The following SULT1B1 variants were observed in gnomAD, a reference collection of about 807,000 sequenced individuals.
SULT1B1 encodes sulfotransferase family 1B member 1.
A neutral mutation model predicts 34.6 loss-of-function variants in SULT1B1; 28 were observed. The observed-to-expected ratio is 0.81, with a 90% CI of 0.60 to 1.11. The LOEUF is 1.11. Ranked by LOEUF, SULT1B1 falls within the 50% of genes least tolerant of loss-of-function variation. The pLI, the probability that SULT1B1 is intolerant of heterozygous loss-of-function variation, is 0.00. For synonymous variants in SULT1B1, 147 were observed against 110.2 expected (o/e 1.33, Z -2.09); for missense variants, 374 against 352.2 (o/e 1.06, Z -0.50).
rs754570025 is a variant in SULT1B1 at position 69,733,377 on chromosome 4, G to T, written c.597+36C>A. 45 of 1,457,168 alleles carry T rather than the reference G, an allele frequency of 3.1e-5. 1 individual carries two copies. In the South Asian group the frequency reaches 5.3e-4, roughly 17 times the overall value. 90.3% of individuals were successfully genotyped at this position (1,457,168 alleles called of 1,614,324 possible). A position where few individuals can be genotyped will look rare whatever the true frequency, so the allele number is the denominator to read the frequency against. ...CAACCCTTTTACAGCATGATGCAGT[G>T]GGGAAATTATCCAGAATCCATATCT... On this transcript the variant is annotated intron_variant, in intron 6 of 7. Coordinates refer to ENST00000310613, the MANE Select transcript of SULT1B1 (RefSeq NM_014465.4).
chr4:69,747,353 A>G (rs757931894), intron 4 of SULT1B1, among the ~76,000 whole-genome samples: 2 of 152,136 alleles, frequency 1.3e-5, no homozygotes, highest in Admixed American at 1.3e-4. Flanking sequence ...TGGGCAAAAA[A>G]CTGGAAGTTA....
In SULT1B1 at chr4:69,727,220, C is replaced by A. The variant is rs1717874444; in HGVS notation, c.779-20G>T. 1 of 1,576,948 alleles carries A rather than the reference C, an allele frequency of 6.3e-7. No individual in the cohort carries two copies. The highest frequency in any genetic ancestry group is 2.3e-5 in the East Asian group (1 of 44,428). ...CCGTCCCTAAAGGTAAATAAAAAAA[C>A]ATAGGAAAGAATAAAATATTTCCAT... On this transcript the variant is annotated intron_variant, in intron 7 of 7. Coordinates refer to ENST00000310613, the MANE Select transcript of SULT1B1 (RefSeq NM_014465.4).
At chr4:69,732,587 A>T (rs1375688765) in intron 6 of SULT1B1, among the ~76,000 whole-genome samples, 2 of 151,790 alleles carry the variant, frequency 1.3e-5, no homozygotes, top group East Asian at 1.9e-4. Context: ...TCTAACTTGT[A>T]TGTTCAGGCT....
chr4:69,745,525 TTTGTTG>T (rs959144444), intron 4 of SULT1B1, among the ~76,000 whole-genome samples: 81 of 152,294 alleles, frequency 5.3e-4, no homozygotes, highest in Middle Eastern at 6.8e-3. Context: ...CAACTCCTGC[TTTGTTG>T]TTGTTGTTGT....
At chr4:69,748,548 A>C (rs1718843356) in intron 4 of SULT1B1, among the ~76,000 whole-genome samples, 1 of 152,236 alleles carries the variant, frequency 6.6e-6, no homozygotes. Flanking sequence ...TAGGGAATAC[A>C]TCCACCTACA....
chr4:69,725,371 A>G lies in SULT1B1; in HGVS notation c.*1717T>C, dbSNP rs1179978372. 6.6e-6 allele frequency: 1 copy of G among 152,184 alleles called. No individual in the cohort carries two copies. Among genetic ancestry groups the G allele is most frequent in the African/African-American group, 2.4e-5 (1 of 41,450 alleles). The allele number at this position is 152,184 out of a possible 1,614,324, so 9.4% of individuals were successfully genotyped here. A position where few individuals can be genotyped will look rare whatever the true frequency, so the allele number is the denominator to read the frequency against. On this transcript the variant is annotated 3_prime_UTR_variant, in exon 8 of 8. Coordinates refer to ENST00000310613, the MANE Select transcript of SULT1B1 (RefSeq NM_014465.4). Reference sequence around the variant, plus strand: ...GCAATCATTAAAAAGTCAGGAAACAACAGGTGCTGGAAAGGATGTGGAGAA... The same window carrying G: ...GCAATCATTAAAAAGTCAGGAAACAGCAGGTGCTGGAAAGGATGTGGAGAA...
intron 4 of SULT1B1, among the ~76,000 whole-genome samples, chr4:69,748,485 A>G (rs1718840815): frequency 6.6e-6 from 1 of 152,232 alleles, no homozygotes; most frequent in Non-Finnish European, 1.5e-5. Flanking sequence ...AAAACAAGAA[A>G]GGATATAAAA....
intron 4 of SULT1B1, among the ~76,000 whole-genome samples, chr4:69,739,757 T>G (rs1254884722): frequency 2.0e-5 from 3 of 152,232 alleles, no homozygotes; most frequent in Non-Finnish European, 1.5e-5. Context: ...TACTGCATCA[T>G]CAGGCTGCAA....
In SULT1B1 at chr4:69,725,273, C is replaced by G. The variant is rs939533812; in HGVS notation, c.*1815G>C. On this transcript the variant is annotated 3_prime_UTR_variant, in exon 8 of 8. Transcript: ENST00000310613. ...CAGCCAACAGACACATGAAAAAATG[C>G]TCATCATCACTGGCCATCAGGGAAA... 3.3e-5 allele frequency: 5 copies of G among 152,062 alleles called. No homozygotes were observed. Among genetic ancestry groups the G allele is most frequent in the African/African-American group, 9.7e-5 (4 of 41,386 alleles). 9.4% of individuals were successfully genotyped at this position (152,062 alleles called of 1,614,324 possible). A position where few individuals can be genotyped will look rare whatever the true frequency, so the allele number is the denominator to read the frequency against.
rs752853069 is a variant in SULT1B1 at position 69,754,697 on chromosome 4, T to A, written c.250A>T (p.Met84Leu). 5.6e-5 allele frequency: 90 copies of A among 1,613,210 alleles called. No individual in the cohort carries two copies. The African/African-American group carries it at 1.1e-3, about 20-fold the overall frequency. The change falls in exon 3 of 8, where the codon ATG (methionine) becomes TTG (leucine). Residue 84 changes from methionine to leucine, a missense_variant. Coordinates refer to ENST00000310613, the MANE Select transcript of SULT1B1 (RefSeq NM_014465.4). ...FITEKVPMLE[M>L]TLPGLRTSGI... is the part of the protein sequence containing the mutation. ...GATGTTCTTAATCCAGGGAGAGTCATTTCCAACATTGGAACTTTTTCAGTA... is the reference window on the plus strand; with the variant it reads ...GATGTTCTTAATCCAGGGAGAGTCAATTCCAACATTGGAACTTTTTCAGTA...
At chr4:69,748,635 A>G (rs750704436) in intron 4 of SULT1B1, among the ~76,000 whole-genome samples, 1 of 152,228 alleles carries the variant, frequency 6.6e-6, no homozygotes, top group Non-Finnish European at 1.5e-5. Context: ...AAGAAATTTA[A>G]AAGAATTGCA....
At chr4:69,758,014 A>G (rs1719255905) in intron 1 of SULT1B1, among the ~76,000 whole-genome samples, 1 of 152,202 alleles carries the variant, frequency 6.6e-6, no homozygotes, top group African/African-American at 2.4e-5. Flanking sequence ...TTCAATATTT[A>G]TCTTCTATAT....
chr4:69,743,923 G>A (rs925267205), intron 4 of SULT1B1, among the ~76,000 whole-genome samples: 5 of 152,130 alleles, frequency 3.3e-5, no homozygotes, highest in Admixed American at 6.5e-5. Context: ...CAACAGCTGC[G>A]CATGGGTGGC....
Position 69,755,183 on chromosome 4 carries a change from A to AG in SULT1B1, c.34dup (p.Leu12ProfsTer21), listed in dbSNP as rs767036029. On this transcript the variant is annotated frameshift_variant, in exon 2 of 8. Transcript: ENST00000310613. LOFTEE classifies it high-confidence loss of function. ...CATGGGATAACCATGGACCAACTTC[A>AG]GATCTTTTCGCAGAATATCTTTTGG... is the stretch of plus-strand genomic sequence containing the variant. 1.2e-6 allele frequency: 2 copies of AG among 1,613,870 alleles called. No homozygotes were observed. The highest frequency in any genetic ancestry group is 8.5e-7 in the Non-Finnish European group (1 of 1,179,742).
chr4:69,760,139 G>T (rs1159933755), intron 1 of SULT1B1: 5 of 567,826 alleles, frequency 8.8e-6, no homozygotes, highest in Admixed American at 6.3e-5. Context: ...ATGTGAGTAG[G>T]ACTGGATGAA....
chr4:69,750,214 A>G (rs975106762), intron 3 of SULT1B1, among the ~76,000 whole-genome samples: 2 of 152,176 alleles, frequency 1.3e-5, no homozygotes, highest in Admixed American at 1.3e-4. Flanking sequence ...AGAGGTATCA[A>G]TAACTAGTAA....
rs1014375147 is a variant in SULT1B1 at position 69,737,447 on chromosome 4, G to A, written c.376-3183C>T. Among the ~76,000 whole-genome samples, 9 of 152,288 alleles carry A rather than the reference G, an allele frequency of 5.9e-5. No individual in the cohort carries two copies. In the South Asian group the frequency reaches 1.9e-3, roughly 32 times the overall value. ...GGTAAAAATAGAAGTAAACATAGTA[G>A]CTAATCACTCACCCAATGCATTTCT... On this transcript the variant is annotated intron_variant, in intron 4 of 7. Transcript: ENST00000310613.
chr4:69,727,948 A>G (rs575453626), intron 7 of SULT1B1, among the ~76,000 whole-genome samples: 78 of 152,178 alleles, frequency 5.1e-4, no homozygotes, highest in South Asian at 1.9e-3. Context: ...ATGAAATAGT[A>G]ATACATCATA....
chr4:69,742,795 C>G (rs546258854), intron 4 of SULT1B1, among the ~76,000 whole-genome samples: 1 of 152,334 alleles, frequency 6.6e-6, no homozygotes, highest in South Asian at 2.1e-4. Flanking sequence ...GGTGTGTGAG[C>G]AAGCCTGTAG....
Sources: allele counts gnomAD v4.1 joint callset (sites outside exome capture counted in the v4.1 genomes callset), GRCh38; gene constraint gnomAD v4.1.1; transcripts MANE v1.5; gene names NCBI Gene and HGNC (gene_info 2026-07-23, HGNC 2026-07-21).